The following TMEM132C variants were observed in gnomAD, a reference collection of about 807,000 sequenced individuals.
TMEM132C encodes transmembrane protein 132C.
Under a neutral mutation model 61.4 loss-of-function variants are expected in TMEM132C, and 29 were observed. That is an observed-to-expected ratio of 0.47 (90% CI 0.35 to 0.64). The LOEUF (loss-of-function observed/expected upper bound fraction) is 0.64, where lower values mean the gene tolerates loss of function less well. TMEM132C is among the 30% of genes least tolerant of loss of function. The pLI is 0.00. For synonymous variants in TMEM132C, 656 were observed against 633.1 expected, an observed-to-expected ratio of 1.04 and a Z score of -0.54; for missense variants, 1,408 against 1,476.9, an observed-to-expected ratio of 0.95 and a Z score of 0.76.
intron 1 of TMEM132C, among the ~76,000 whole-genome samples, chr12:128,290,783 GT>G (rs1329236983): frequency 6.7e-6 from 1 of 149,226 alleles, no homozygotes; most frequent in Non-Finnish European, 1.5e-5. Flanking sequence ...TAAAGATCCT[GT>G]TCTTTATTCT....
intron 2 of TMEM132C, 146 bp from the exon 3 acceptor site, chr12:128,543,811 C>T: frequency 9.3e-7 from 1 of 1,073,670 alleles, no homozygotes; most frequent in Non-Finnish European, 1.3e-6. Context: ...GCATCACCAC[C>T]ACTGGGCAGC....
At chr12:128,518,538 T>G (rs937867078) in intron 2 of TMEM132C, among the ~76,000 whole-genome samples, 3 of 152,232 alleles carry the variant, frequency 2.0e-5, no homozygotes, top group Non-Finnish European at 4.4e-5. Context: ...GATGAGACCT[T>G]TCCTCCTCTT....
At chr12:128,646,141 G>A (rs1954195885) in intron 4 of TMEM132C, among the ~76,000 whole-genome samples, 1 of 148,000 alleles carries the variant, frequency 6.8e-6, no homozygotes, top group Non-Finnish European at 1.5e-5. Context: ...ATCAGTATTG[G>A]ATGAGTGTGT....
chr12:128,557,313 C>G (rs1312805513), intron 3 of TMEM132C, among the ~76,000 whole-genome samples: 1 of 152,178 alleles, frequency 6.6e-6, no homozygotes, highest in Non-Finnish European at 1.5e-5. Context: ...CATGTGGTCC[C>G]CAGTCAAAAC....
At chr12:128,557,508 C>T (rs1391977878) in intron 3 of TMEM132C, among the ~76,000 whole-genome samples, 3 of 152,176 alleles carry the variant, frequency 2.0e-5, no homozygotes, top group Non-Finnish European at 4.4e-5. Context: ...GCCTTAGAGA[C>T]CCTGCCTTAC....
chr12:128,472,669 C>T (rs1593065656), intron 2 of TMEM132C, among the ~76,000 whole-genome samples: 2 of 152,294 alleles, frequency 1.3e-5, no homozygotes, highest in South Asian at 4.1e-4. Flanking sequence ...GATCAGGAAG[C>T]TCTATGGGCT....
intron 2 of TMEM132C, among the ~76,000 whole-genome samples, chr12:128,455,182 G>A (rs1408093967): frequency 2.0e-5 from 3 of 152,222 alleles, no homozygotes; most frequent in Non-Finnish European, 4.4e-5. Flanking sequence ...AAGAGAAGAT[G>A]AGTCTAAGGT....
At chr12:128,539,100 G>A (rs186761622) in intron 2 of TMEM132C, among the ~76,000 whole-genome samples, 5 of 152,156 alleles carry the variant, frequency 3.3e-5, no homozygotes, top group Admixed American at 6.5e-5. Context: ...GAAAATTTTC[G>A]TTTCCCGGGG....
chr12:128,664,095 C>G (rs1954431149), intron 4 of TMEM132C, among the ~76,000 whole-genome samples: 1 of 148,840 alleles, frequency 6.7e-6, no homozygotes, highest in Admixed American at 6.7e-5. Context: ...CACCCACACG[C>G]ACGCACACAG....
At chr12:128,564,217 C>G (rs2136165923) in intron 3 of TMEM132C, among the ~76,000 whole-genome samples, 1 of 152,346 alleles carries the variant, frequency 6.6e-6, no homozygotes, top group East Asian at 1.9e-4. Flanking sequence ...CTTAACTCAG[C>G]TCTGAAAGGC....
intron 1 of TMEM132C, among the ~76,000 whole-genome samples, chr12:128,388,838 G>A (rs1036732484): frequency 6.6e-6 from 1 of 152,246 alleles, no homozygotes; most frequent in African/African-American, 2.4e-5. Context: ...TAACGGGGAG[G>A]ATCTTGTTTC....
chr12:128,512,542 T>TA (rs1467084885), intron 2 of TMEM132C, among the ~76,000 whole-genome samples: 2 of 152,172 alleles, frequency 1.3e-5, no homozygotes, highest in African/African-American at 4.8e-5. Context: ...TGTCTGTTAT[T>TA]AAAAAGAATG....
rs143372664 is a variant in TMEM132C, at chr12:128,307,181, A to G, written c.85+39694A>G. The stretch of plus-strand genomic sequence containing the variant: ...CATAAGAGGCAAGGAGCTTCTAGAA[A>G]CCTTATCGCCTGGTTTCATAGACTT... On this transcript the variant is annotated intron_variant, in intron 1 of 8. Coordinates refer to ENST00000435159, the MANE Select transcript of TMEM132C (RefSeq NM_001136103.3). Among the ~76,000 whole-genome samples, 1,447 of 152,150 alleles carry G rather than the reference A, an allele frequency of 9.5e-3. 16 individuals are homozygous for G. The highest frequency in any genetic ancestry group is 0.031 in the African/African-American group (1,298 of 41,500).
chr12:128,680,564 A>G (rs1302317878), intron 5 of TMEM132C, among the ~76,000 whole-genome samples: 1 of 152,258 alleles, frequency 6.6e-6, no homozygotes, highest in African/African-American at 2.4e-5. Flanking sequence ...GGTGCTCATT[A>G]GTCACATGTG....
At chr12:128,602,042 A>G (rs1008482699) in intron 3 of TMEM132C, among the ~76,000 whole-genome samples, 4 of 152,082 alleles carry the variant, frequency 2.6e-5, no homozygotes, top group African/African-American at 7.2e-5. Flanking sequence ...CCCTCTCTCT[A>G]TAAAAAATTT....
chr12:128,509,396 A>G (rs912222415), intron 2 of TMEM132C, among the ~76,000 whole-genome samples: 2 of 152,190 alleles, frequency 1.3e-5, no homozygotes, highest in Non-Finnish European at 2.9e-5. Flanking sequence ...TGCTCACCAA[A>G]TCTACATTTT....
At chr12:128,701,943 CAGCTGG>C (rs1253791776) in intron 8 of TMEM132C, among the ~76,000 whole-genome samples, 1 of 149,348 alleles carries the variant, frequency 6.7e-6, no homozygotes, top group Non-Finnish European at 1.5e-5. Flanking sequence ...TCTGTCACCC[CAGCTGG>C]AGTGCAGTGG....
At chr12:128,514,906 C>T (rs999819543) in intron 2 of TMEM132C, among the ~76,000 whole-genome samples, 1 of 152,178 alleles carries the variant, frequency 6.6e-6, no homozygotes, top group African/African-American at 2.4e-5. Flanking sequence ...CCTGTAAATA[C>T]AGTGAGCAGA....
intron 3 of TMEM132C, among the ~76,000 whole-genome samples, chr12:128,549,693 A>G (rs1255309283): frequency 6.6e-6 from 1 of 152,166 alleles, no homozygotes; most frequent in Non-Finnish European, 1.5e-5. Context: ...TAGGATGAAC[A>G]GGGGCACTTG....
Sources: allele counts gnomAD v4.1 joint callset (sites outside exome capture counted in the v4.1 genomes callset), GRCh38; gene constraint gnomAD v4.1.1; transcripts MANE v1.5; gene names NCBI Gene and HGNC (gene_info 2026-07-23, HGNC 2026-07-21).